ATAD3B: variants seen among roughly 807,000 people sequenced by gnomAD.
ATAD3B encodes ATPase family AAA domain containing 3B.
ATAD3B carries 59 observed loss-of-function variants against 70.2 expected under a neutral mutation model. That is an observed-to-expected ratio of 0.84 (90% CI 0.68 to 1.04). ATAD3B has a LOEUF of 1.04. Among genes scored for constraint, ATAD3B ranks in the 50% least tolerant of loss-of-function variants. The pLI is 0.00. For synonymous variants in ATAD3B, 423 were observed against 388.6 expected, an observed-to-expected ratio of 1.09 and a Z score of -1.04; for missense variants, 961 against 913.4, an observed-to-expected ratio of 1.05 and a Z score of -0.67.
chr1:1,487,724 A>C (rs534698017), intron 11 of ATAD3B, 139 bp from the exon 12 acceptor site: 2 of 1,094,424 alleles, frequency 1.8e-6, no homozygotes, highest in African/African-American at 3.0e-5. Flanking sequence ...TGTCGAGTCC[A>C]GGACTTAGGG....
chr1:1,495,566 C>G lies in ATAD3B; in HGVS notation c.1696C>G (p.Arg566Gly). 2 of 1,613,212 alleles carry G rather than the reference C, an allele frequency of 1.2e-6. No homozygotes were observed. The highest frequency in any genetic ancestry group is 1.7e-5 in the Admixed American group (1 of 59,990). ...TGTGCAAGATGCTGTCCAGCAGTACCGACAGAAGATGCGCTGGCTGAAGGC... is the reference window on the plus strand; with the variant it reads ...TGTGCAAGATGCTGTCCAGCAGTACGGACAGAAGATGCGCTGGCTGAAGGC... ...ACVQDAVQQY[R>G]QKMRWLKAEG... The change falls in exon 16 of 16, where the codon CGA (arginine) becomes GGA (glycine). Residue 566 changes from arginine to glycine, a missense_variant. Physicochemically the swap from Arg to Gly is moderately radical, Grantham distance 125. Coordinates refer to ENST00000673477, the MANE Select transcript of ATAD3B (RefSeq NM_031921.6).
chr1:1,503,942 A>G, the ATAD3B span, among the ~76,000 whole-genome samples: 2 of 152,194 alleles, frequency 1.3e-5, no homozygotes, highest in African/African-American at 4.8e-5. Flanking sequence ...CTTTTCACTC[A>G]GCAGAATTTT....
intron 15 of ATAD3B, among the ~76,000 whole-genome samples, chr1:1,494,959 G>T (rs1285670411): frequency 6.6e-6 from 1 of 152,050 alleles, no homozygotes; most frequent in Non-Finnish European, 1.5e-5. Flanking sequence ...CGACACCAAG[G>T]GCCACAGCCC....
intron 13 of ATAD3B, 169 bp from the exon 14 acceptor site, chr1:1,490,088 G>C: frequency 7.0e-7 from 1 of 1,423,622 alleles, no homozygotes; most frequent in Non-Finnish European, 9.2e-7. Context: ...GGGGCAGGCA[G>C]GCGGGTGACC....
chr1:1,478,283 G>A lies in ATAD3B; in HGVS notation c.283-361G>A, dbSNP rs1213138688. The A allele has an allele frequency of 1.8e-5, 15 of 839,712 alleles. 1 individual carries two copies. The highest frequency in any genetic ancestry group is 1.1e-4 in the South Asian group (6 of 53,546). The allele number at this position is 839,712 out of a possible 1,614,324, so 52.0% of individuals were successfully genotyped here. On this transcript the variant is annotated intron_variant, in intron 2 of 15. Coordinates refer to ENST00000673477, the MANE Select transcript of ATAD3B (RefSeq NM_031921.6). ...AAGTGCTGGGATTATAGGCAAGAGC[G>A]ATGGCGCCCGGCCCACTCAGCAGGA... is the stretch of plus-strand genomic sequence containing the variant.
At chr1:1,501,550 C>T (rs748580517), downstream of ATAD3B, among the ~76,000 whole-genome samples, 19 of 152,076 alleles carry the variant, frequency 1.2e-4, no homozygotes, top group Non-Finnish European at 2.8e-4. Flanking sequence ...CCACCGTGCC[C>T]GGCCTAATTT....
At chr1:1,488,458 C>G (rs1640354528) in intron 12 of ATAD3B, among the ~76,000 whole-genome samples, 1 of 151,922 alleles carries the variant, frequency 6.6e-6, no homozygotes, top group South Asian at 2.1e-4. Context: ...AACTTCTGAA[C>G]TAAAGAAATT....
chr1:1,495,353 G>T, intron 15 of ATAD3B, 132 bp from the exon 16 acceptor site: 3 of 1,272,948 alleles, frequency 2.4e-6, no homozygotes, highest in Non-Finnish European at 3.2e-6. Context: ...CCAAGGTGTG[G>T]GAAGCCTGTG....
chr1:1,500,403 A>AAAAT (rs1553121990), downstream of ATAD3B, among the ~76,000 whole-genome samples: 12 of 147,374 alleles, frequency 8.1e-5, no homozygotes, highest in East Asian at 6.2e-4. Flanking sequence ...ATACAAAAAA[A>AAAAT]TAGCCGGGCG....
rs781702476 is a variant in ATAD3B, at chr1:1,482,266, G to A, written c.643G>A (p.Ala215Thr). The A allele has an allele frequency of 6.8e-6, 11 of 1,611,132 alleles. No individual in the cohort carries two copies. The East Asian group carries it at 2.5e-4, about 36-fold the overall frequency. ...CATCCGCGAGCAGATCCGCCTGAAG[G>A]CGTCCGAGCACCGTCAGACCGTCTT... Reference protein sequence around the residue: ...DIIREQIRLKASEHRQTVLES... With the variant: ...DIIREQIRLKTSEHRQTVLES... Residue 215 changes from alanine (A) to threonine (T), a missense_variant, in exon 6 of 16, where the codon GCG (alanine) becomes ACG (threonine). Ala to Thr is a moderately conservative substitution (Grantham distance 58). Coordinates refer to ENST00000673477, the MANE Select transcript of ATAD3B (RefSeq NM_031921.6).
chr1:1,498,679 G>C (rs532309013), downstream of ATAD3B, among the ~76,000 whole-genome samples: 1 of 150,960 alleles, frequency 6.6e-6, no homozygotes, highest in African/African-American at 2.4e-5. Context: ...AAGTGTTGGG[G>C]TTACAGGCCT....
At position 1,490,699 on chromosome 1, in the gene ATAD3B, A is replaced by G. The variant is rs553118607; in HGVS notation, c.1614+28A>G. ...GAGTCAGGCTCCGGCACGTCCACCC[A>G]GACGGGACCCCAGCTGCTGTGGAGA... On this transcript the variant is annotated intron_variant, in intron 15 of 15. Transcript: ENST00000673477. 7.2e-5 allele frequency: 111 copies of G among 1,551,484 alleles called. No homozygotes were observed. The Admixed American group carries it at 8.8e-4, about 12-fold the overall frequency.
chr1:1,479,788 C>G (rs187899225), intron 4 of ATAD3B, among the ~76,000 whole-genome samples: 2,221 of 143,610 alleles, frequency 0.015, 203 homozygotes, highest in South Asian at 0.032. Context: ...CACACCCCCC[C>G]GCACACGTGG....
At chr1:1,499,011 G>A (rs191362758), downstream of ATAD3B, among the ~76,000 whole-genome samples, 233 of 147,972 alleles carry the variant, frequency 1.6e-3, 2 homozygotes, top group African/African-American at 5.6e-3. Context: ...TCATGCTGTC[G>A]CCTAGGCTGG....
chr1:1,499,954 G>C (rs1005685781), downstream of ATAD3B, among the ~76,000 whole-genome samples: 1 of 147,232 alleles, frequency 6.8e-6, no homozygotes, highest in Non-Finnish European at 1.5e-5. Flanking sequence ...GAGTCGTCCA[G>C]TGGCACGATC....
intron 7 of ATAD3B, chr1:1,482,838 T>C: frequency 1.5e-6 from 1 of 654,984 alleles, no homozygotes; most frequent in Non-Finnish European, 2.7e-6. Flanking sequence ...ACCCCATCTC[T>C]ACGAAGAATA....
chr1:1,475,435 GTGCCCCTTTCC>G (rs1557791128), intron 1 of ATAD3B, among the ~76,000 whole-genome samples: 2 of 151,092 alleles, frequency 1.3e-5, no homozygotes, highest in African/African-American at 4.9e-5. Flanking sequence ...GGCTTCCTCC[GTGCCCCTTTCC>G]TGGCAGCGGG....
intron 5 of ATAD3B, among the ~76,000 whole-genome samples, 191 bp from the exon 6 acceptor site, chr1:1,481,947 C>G (rs1419352847): frequency 7.2e-6 from 1 of 139,030 alleles, no homozygotes; most frequent in Non-Finnish European, 1.5e-5. Flanking sequence ...TGGCGTGGGC[C>G]GGTCCGTGGT....
In ATAD3B at chr1:1,472,098, G is replaced by A; in HGVS notation, c.205+9G>A. On this transcript the variant is annotated intron_variant, in intron 1 of 15. Coordinates refer to ENST00000673477, the MANE Select transcript of ATAD3B (RefSeq NM_031921.6). ...CGAGCTGGAGCACTCGCGTGAGTGC[G>A]GCGGGGCGGGGCGGGGCGGGCGGGC... The A allele has an allele frequency of 4.6e-6, 5 of 1,096,622 alleles. No individual in the cohort carries two copies. The highest frequency in any genetic ancestry group is 4.2e-6 in the Non-Finnish European group (4 of 953,596). The allele number at this position is 1,096,622 out of a possible 1,614,324, so 67.9% of individuals were successfully genotyped here. A position where few individuals can be genotyped will look rare whatever the true frequency, so the allele number is the denominator to read the frequency against.
Sources: allele counts gnomAD v4.1 joint callset (sites outside exome capture counted in the v4.1 genomes callset), GRCh38; gene constraint gnomAD v4.1.1; transcripts MANE v1.5; gene names NCBI Gene and HGNC (gene_info 2026-07-23, HGNC 2026-07-21).